The following PCDHGA3 variants were observed in gnomAD, a reference collection of about 807,000 sequenced individuals.
PCDHGA3 encodes the protein protocadherin gamma subfamily A, 3.
PCDHGA3 carries 40 observed loss-of-function variants against 58.5 expected under a neutral mutation model. The observed-to-expected ratio is 0.68, with a 90% CI of 0.53 to 0.89. The LOEUF (loss-of-function observed/expected upper bound fraction) is 0.89, where lower values mean the gene tolerates loss of function less well. Ranked by LOEUF, PCDHGA3 falls within the 40% of genes least tolerant of loss-of-function variation. PCDHGA3 has a pLI of 0.00. For missense variants in PCDHGA3, 1,223 were observed against 1,195.9 expected (o/e 1.02, Z -0.33); for synonymous variants, 530 against 525.7 (o/e 1.01, Z -0.11).
At chr5:141,456,453 A>G (rs1395554812) in intron 1 of PCDHGA3, among the ~76,000 whole-genome samples, 1 of 152,190 alleles carries the variant, frequency 6.6e-6, no homozygotes, top group Non-Finnish European at 1.5e-5. Flanking sequence ...GAGTCCAAAT[A>G]TCAATACAAG....
chr5:141,431,008 C>T lies in PCDHGA3; in HGVS notation c.2425-63799C>T. The T allele has an allele frequency of 6.2e-7, 1 of 1,614,118 alleles. No individual in the cohort carries two copies. The highest frequency in any genetic ancestry group is 1.1e-5 in the South Asian group (1 of 91,076). ...TCGCCCTGAATCCGCGCAGCGGCAG[C>T]TTGGTCACGGCGGGCAGGATAGACC... On this transcript the variant is annotated intron_variant, in intron 1 of 3. Transcript: ENST00000253812. This position sits in a 1 kb window ranked among gnomAD's most constrained non-coding sequence, Gnocchi z 4.8.
intron 1 of PCDHGA3, chr5:141,375,567 C>A (rs767430191): frequency 1.2e-6 from 2 of 1,614,076 alleles, no homozygotes. Flanking sequence ...GCAGAAGACA[C>A]CCTCCAGGGG....
At chr5:141,404,779 C>G in intron 1 of PCDHGA3, 1 of 1,613,746 alleles carries the variant, frequency 6.2e-7, no homozygotes, top group Non-Finnish European at 8.5e-7. Context: ...ACCGCCTATT[C>G]AAGGCCAGTG....
chr5:141,430,661 GCT>G, intron 1 of PCDHGA3: 1 of 1,159,744 alleles, frequency 8.6e-7, no homozygotes, highest in South Asian at 2.1e-5. Flanking sequence ...CAACGGAGGA[GCT>G]CTGACTTCCC....
rs949105791 is a variant in PCDHGA3, at chr5:141,345,891, G to A, written c.1858G>A (p.Gly620Ser). Residue 620 changes from glycine (G) to serine (S), a missense_variant, in exon 1 of 4, where the codon GGT becomes AGT. Physicochemically the swap from Gly to Ser is moderately conservative, Grantham distance 56. Coordinates refer to ENST00000253812, the MANE Select transcript of PCDHGA3 (RefSeq NM_018916.4). ...KASEPGLFSV[G>S]LHTGEVRTAR... ...CAGCGAGCCGGGACTCTTCTCGGTGGGTCTGCACACGGGCGAGGTGCGCAC... is the reference window on the plus strand; with the variant it reads ...CAGCGAGCCGGGACTCTTCTCGGTGAGTCTGCACACGGGCGAGGTGCGCAC... 1 of 1,613,176 alleles carries A rather than the reference G, an allele frequency of 6.2e-7. No homozygotes were observed. Among genetic ancestry groups the A allele is most frequent in the Non-Finnish European group, 8.5e-7 (1 of 1,179,828 alleles).
At position 141,430,761 on chromosome 5, in the gene PCDHGA3, T is replaced by C. The variant is rs769012885; in HGVS notation, c.2425-64046T>C. The C allele has an allele frequency of 2.0e-6, 3 of 1,506,132 alleles. No individual in the cohort carries two copies. The African/African-American group carries it at 4.2e-5, about 21-fold the overall frequency. The allele number at this position is 1,506,132 out of a possible 1,614,324, so 93.3% of individuals were successfully genotyped here. ...AAATAATTCTGGAGGAAGATAAGAATGATTCCTGCGCGACTGCACCGGGAC... is the reference window on the plus strand; with the variant it reads ...AAATAATTCTGGAGGAAGATAAGAACGATTCCTGCGCGACTGCACCGGGAC... On this transcript the variant is annotated intron_variant, in intron 1 of 3. Coordinates refer to ENST00000253812, the MANE Select transcript of PCDHGA3 (RefSeq NM_018916.4).
chr5:141,395,063 G>A, intron 1 of PCDHGA3: 3 of 1,614,168 alleles, frequency 1.9e-6, no homozygotes, highest in Non-Finnish European at 2.5e-6. Flanking sequence ...AGGCTTTCCT[G>A]CAGACCTATT....
chr5:141,390,098 C>A (rs2092044435), intron 1 of PCDHGA3: 1 of 1,613,924 alleles, frequency 6.2e-7, no homozygotes, highest in Non-Finnish European at 8.5e-7. Context: ...CCGTGGTTCC[C>A]CCCAACTACA....
intron 3 of PCDHGA3, among the ~76,000 whole-genome samples, chr5:141,510,214 A>G (rs1047332886): frequency 6.6e-6 from 1 of 151,406 alleles, no homozygotes; most frequent in Non-Finnish European, 1.5e-5. Context: ...CAGAGGTTGC[A>G]GTGAGCCGGG....
chr5:141,489,951 T>C lies in PCDHGA3; in HGVS notation c.2425-4856T>C. On this transcript the variant is annotated intron_variant, in intron 1 of 3. Coordinates refer to ENST00000253812, the MANE Select transcript of PCDHGA3 (RefSeq NM_018916.4). The surrounding 1 kb of genome is among the most constrained non-coding windows in gnomAD (Gnocchi z 4.5). ...CTGTCATCGTGCTGGACATCAATGATAATGCTCCAACCTTCCAATCCTCAG... is the reference window on the plus strand; with the variant it reads ...CTGTCATCGTGCTGGACATCAATGACAATGCTCCAACCTTCCAATCCTCAG... 6.2e-7 allele frequency: 1 copy of C among 1,614,210 alleles called. No homozygotes were observed. Among genetic ancestry groups the C allele is most frequent in the Non-Finnish European group, 8.5e-7 (1 of 1,180,032 alleles).
Position 141,476,512 on chromosome 5 carries a change from T to C in PCDHGA3, c.2425-18295T>C, listed in dbSNP as rs1171240377. ...TGATCCAGGACATCAACGACAACAA[T>C]CCTGCTTTCCCTACCCAGGAAATGA... On this transcript the variant is annotated intron_variant, in intron 1 of 3. Transcript: ENST00000253812. This position sits in a 1 kb window ranked among gnomAD's most constrained non-coding sequence, Gnocchi z 7.6. The C allele has an allele frequency of 6.2e-7, 1 of 1,613,642 alleles. No homozygotes were observed. Among genetic ancestry groups the C allele is most frequent in the Non-Finnish European group, 8.5e-7 (1 of 1,179,940 alleles).
chr5:141,348,325 A>T (rs1372797217), intron 1 of PCDHGA3, among the ~76,000 whole-genome samples: 2 of 152,258 alleles, frequency 1.3e-5, no homozygotes, highest in African/African-American at 4.8e-5. Context: ...ACAGAATTTA[A>T]AAGGCCCATA....
intron 1 of PCDHGA3, chr5:141,418,614 G>C: frequency 1.2e-6 from 2 of 1,613,994 alleles, no homozygotes; most frequent in Non-Finnish European, 1.7e-6. Flanking sequence ...GTTAGCCTTC[G>C]GGAAGACGTG....
chr5:141,389,233 T>C (rs1374129511), intron 1 of PCDHGA3: 1 of 1,613,926 alleles, frequency 6.2e-7, no homozygotes, highest in Non-Finnish European at 8.5e-7. Context: ...GCTCCGGTTT[T>C]CTCACAGTCT....
chr5:141,505,026 G>T (rs190826538), intron 2 of PCDHGA3, among the ~76,000 whole-genome samples: 1 of 152,198 alleles, frequency 6.6e-6, no homozygotes, highest in South Asian at 2.1e-4. Context: ...GCCTGGCACA[G>T]TGGCAGGTGC....
At position 141,393,000 on chromosome 5, in the gene PCDHGA3, G is replaced by A. The variant is rs772046833; in HGVS notation, c.2424+46543G>A. The stretch of plus-strand genomic sequence containing the variant: ...GGACCCCCGGAAGCTGGCGAAGCAC[G>A]GAGTCCGTATCGTCTCCAGAGGTAG... On this transcript the variant is annotated intron_variant, in intron 1 of 3. Transcript: ENST00000253812. The A allele has an allele frequency of 2.5e-6, 4 of 1,613,856 alleles. No individual in the cohort carries two copies. In the South Asian group the frequency reaches 4.4e-5, roughly 18 times the overall value.
At chr5:141,393,349 C>G in intron 1 of PCDHGA3, 1 of 1,613,964 alleles carries the variant, frequency 6.2e-7, no homozygotes, top group Non-Finnish European at 8.5e-7. Context: ...CACCACTTCT[C>G]CCTGGACGTG....
chr5:141,461,813 C>T (rs2099023751), intron 1 of PCDHGA3, among the ~76,000 whole-genome samples: 1 of 151,846 alleles, frequency 6.6e-6, no homozygotes, highest in African/African-American at 2.4e-5. Flanking sequence ...ACCACCACAC[C>T]CAGCTAATTT....
chr5:141,381,817 T>TTTC (rs1262770842), intron 1 of PCDHGA3, among the ~76,000 whole-genome samples: 10 of 136,280 alleles, frequency 7.3e-5, no homozygotes, highest in East Asian at 4.1e-4. Context: ...TCTTTCTTTC[T>TTTC]TTCTTCTTCT....
Sources: allele counts gnomAD v4.1 joint callset (sites outside exome capture counted in the v4.1 genomes callset), GRCh38; gene constraint gnomAD v4.1.1; non-coding constraint Gnocchi (gnomAD v3.1); transcripts MANE v1.5; gene names NCBI Gene and HGNC (gene_info 2026-07-23, HGNC 2026-07-21).